Variants in COL15A1 observed in about 807,000 individuals in gnomAD.
The protein encoded by COL15A1 is collagen alpha-1(XV) chain.
Under a neutral mutation model 165.9 loss-of-function variants are expected in COL15A1, and 111 were observed. That is an observed-to-expected ratio of 0.67 (90% CI 0.57 to 0.78). The LOEUF (loss-of-function observed/expected upper bound fraction) is 0.78. Among genes scored for constraint, COL15A1 ranks in the 30% least tolerant of loss-of-function variants. The pLI, the probability that COL15A1 is intolerant of heterozygous loss-of-function variation, is 0.00. For missense variants in COL15A1, 1,745 were observed against 1,789.7 expected, an observed-to-expected ratio of 0.98 and a Z score of 0.45; for synonymous variants, 659 against 674.8, an observed-to-expected ratio of 0.98 and a Z score of 0.36.
intron 24 of COL15A1, among the ~76,000 whole-genome samples, chr9:99,044,009 A>G (rs1839453528): frequency 6.6e-6 from 1 of 152,196 alleles, no homozygotes; most frequent in South Asian, 2.1e-4. Context: ...AACGTTGCAT[A>G]TGGAGACATA....
chr9:98,945,252 G>A (rs996288621), intron 2 of COL15A1, among the ~76,000 whole-genome samples: 2 of 152,100 alleles, frequency 1.3e-5, no homozygotes, highest in Non-Finnish European at 2.9e-5. Flanking sequence ...TATATTGCAC[G>A]GTGCTGAGGT....
intron 9 of COL15A1, among the ~76,000 whole-genome samples, chr9:99,013,813 T>C (rs1215246743): frequency 6.6e-6 from 1 of 152,168 alleles, no homozygotes; most frequent in African/African-American, 2.4e-5. Context: ...GGTGCCTTTG[T>C]TCTGAATACT....
At chr9:99,020,498 CA>C (rs1220300867) in intron 12 of COL15A1, 56 bp downstream of exon 12, 1 of 1,266,194 alleles carries the variant, frequency 7.9e-7, no homozygotes, top group Non-Finnish European at 1.2e-6. Context: ...GTGTCCTGAA[CA>C]TGTTATTTAG....
At chr9:99,054,758 TC>T in intron 32 of COL15A1, 102 bp downstream of exon 32, 2 of 1,297,446 alleles carry the variant, frequency 1.5e-6, no homozygotes, top group South Asian at 1.5e-5. Context: ...CTAATGACAT[TC>T]CACCCTGACC....
At chr9:99,015,714 C>T (rs1430418226) in intron 10 of COL15A1, 148 bp downstream of exon 10, 1 of 830,736 alleles carries the variant, frequency 1.2e-6, no homozygotes, top group Non-Finnish European at 1.9e-6. Flanking sequence ...GGAGGCAGGA[C>T]ACAATGCTGG....
At chr9:99,056,442 C>T in intron 35 of COL15A1, 38 bp downstream of exon 35, 1 of 1,557,178 alleles carries the variant, frequency 6.4e-7, no homozygotes, top group Non-Finnish European at 8.7e-7. Flanking sequence ...CATGCTGTCC[C>T]TACCATTGTG....
rs182109129 is a variant in COL15A1, at chr9:98,944,134, C to T, written c.12-28C>T. The T allele has an allele frequency of 5.2e-4, 843 of 1,614,180 alleles. 2 individuals carry two copies. In the East Asian group the frequency reaches 0.013, roughly 25 times the overall value. On this transcript the variant is annotated intron_variant, in intron 1 of 41. Coordinates refer to ENST00000375001, the MANE Select transcript of COL15A1 (RefSeq NM_001855.5). ...CCCTCCAATACTCTTGCCCGCCTCACCTTTTCTCCCTCGGGCACATCTTGC... is the reference window on the plus strand; with the variant it reads ...CCCTCCAATACTCTTGCCCGCCTCATCTTTTCTCCCTCGGGCACATCTTGC...
rs60290557 is a variant in COL15A1, at chr9:99,034,586, TAAAA to T, written c.2079+27_2079+30del. Reference sequence around the variant, plus strand: ...CCTAATGGCTCAGTTGGTGAAAAGGTAAAAAAAAAAAAAAAAAAAAAAAAAAAAG... The same window carrying T: ...CCTAATGGCTCAGTTGGTGAAAAGGTAAAAAAAAAAAAAAAAAAAAAAAAG... On this transcript the variant is annotated splice_donor_5th_base_variant and intron_variant, in intron 17 of 41. Transcript: ENST00000375001. 0.044 allele frequency: 46,027 copies of T among 1,046,562 alleles called. 3 individuals carry two copies. The highest frequency in any genetic ancestry group is 0.12 in the East Asian group (2,848 of 23,608). 64.8% of individuals were successfully genotyped at this position (1,046,562 alleles called of 1,614,324 possible).
chr9:99,067,110 TC>T (rs775123955), intron 40 of COL15A1, 43 bp downstream of exon 40: 67 of 1,544,838 alleles, frequency 4.3e-5, no homozygotes, highest in Admixed American at 3.3e-4. Flanking sequence ...CATGCATTGG[TC>T]GCTACAGGGC....
chr9:98,985,950 C>A lies in COL15A1; in HGVS notation c.486C>A (p.Asn162Lys). 6.2e-7 allele frequency: 1 copy of A among 1,614,080 alleles called. No homozygotes were observed. The highest frequency in any genetic ancestry group is 8.5e-7 in the Non-Finnish European group (1 of 1,180,014). The part of the protein sequence containing the change: ...FSVPVMTHRW[N>K]RFAMIVQGEE... ...TGCCTGTGATGACCCACAGGTGGAA[C>A]CGCTTCGCCATGATTGTCCAGGGTG... is the stretch of plus-strand genomic sequence containing the variant. Residue 162 changes from asparagine (N) to lysine (K), a missense_variant, in exon 3 of 42, where the codon AAC becomes AAA. Coordinates refer to ENST00000375001, the MANE Select transcript of COL15A1 (RefSeq NM_001855.5).
Position 99,025,894 on chromosome 9 carries a change from T to C in COL15A1, c.1981-10T>C, listed in dbSNP as rs764967151. On this transcript the variant is annotated splice_polypyrimidine_tract_variant and intron_variant, in intron 15 of 41. Transcript: ENST00000375001. Reference sequence around the variant, plus strand: ...AATGTTGTGGGTTGATTGTCACTGATGTTCCCCAGGGCCCTGAGGGACAGC... The same window carrying C: ...AATGTTGTGGGTTGATTGTCACTGACGTTCCCCAGGGCCCTGAGGGACAGC... 8.1e-6 allele frequency: 13 copies of C among 1,612,202 alleles called. No individual in the cohort carries two copies. Among genetic ancestry groups the C allele is most frequent in the Admixed American group, 3.3e-5 (2 of 59,760 alleles).
chr9:98,965,680 G>A (rs1407982879), intron 2 of COL15A1, among the ~76,000 whole-genome samples: 1 of 152,190 alleles, frequency 6.6e-6, no homozygotes, highest in African/African-American at 2.4e-5. Flanking sequence ...GTGTTCACCT[G>A]TGTGAAGCAT....
chr9:99,063,164 G>A (rs1825843449), intron 39 of COL15A1, 55 bp downstream of exon 39: 1 of 1,517,624 alleles, frequency 6.6e-7, no homozygotes, highest in Admixed American at 2.4e-5. Flanking sequence ...TCTGCTAAGT[G>A]CTAGGTCTCA....
intron 2 of COL15A1, among the ~76,000 whole-genome samples, chr9:98,958,718 G>A (rs2118788057): frequency 6.6e-6 from 1 of 152,206 alleles, no homozygotes; most frequent in East Asian, 1.9e-4. Context: ...AATTGCAACT[G>A]AATGTCTTCA....
At chr9:99,039,739 T>G (rs1228605056) in intron 22 of COL15A1, among the ~76,000 whole-genome samples, 1 of 152,208 alleles carries the variant, frequency 6.6e-6, no homozygotes, top group Non-Finnish European at 1.5e-5. Context: ...TCTGAGCCCC[T>G]AATTCTCTTC....
Position 98,960,061 on chromosome 9 carries a change from A to T in COL15A1, c.100+15811A>T, listed in dbSNP as rs561501181. Among the ~76,000 whole-genome samples the T allele has an allele frequency of 1.7e-3, 258 of 152,290 alleles. 1 individual carries two copies. The highest frequency in any genetic ancestry group is 6.0e-3 in the African/African-American group (250 of 41,556). On this transcript the variant is annotated intron_variant, in intron 2 of 41. Coordinates refer to ENST00000375001, the MANE Select transcript of COL15A1 (RefSeq NM_001855.5). ...TTTCACCTTGATAGACTTGTTGCTT[A>T]AACTGTGGTCCCTGGACCAGCAGCA...
intron 36 of COL15A1, among the ~76,000 whole-genome samples, chr9:99,061,505 T>C (rs1825816288): frequency 6.6e-6 from 1 of 152,232 alleles, no homozygotes; most frequent in Non-Finnish European, 1.5e-5. Context: ...AGACCTTAAG[T>C]ATAGTTGCTC....
chr9:99,055,223 C>A (rs1406724068), intron 33 of COL15A1, 39 bp from the exon 34 acceptor site: 4 of 1,577,950 alleles, frequency 2.5e-6, no homozygotes, highest in Middle Eastern at 1.7e-4. Context: ...TGAGTTCATC[C>A]CACTCTTACT....
At chr9:99,009,707 T>G (rs1838819289) in intron 9 of COL15A1, among the ~76,000 whole-genome samples, 1 of 152,228 alleles carries the variant, frequency 6.6e-6, no homozygotes, top group Non-Finnish European at 1.5e-5. Context: ...GCAAAAATAT[T>G]TATTCTTTGA....
Sources: allele counts gnomAD v4.1 joint callset (sites outside exome capture counted in the v4.1 genomes callset), GRCh38; gene constraint gnomAD v4.1.1; transcripts MANE v1.5; gene names NCBI Gene and HGNC (gene_info 2026-07-23, HGNC 2026-07-21).